PRIM2: variants seen among roughly 807,000 people sequenced by gnomAD.
The protein encoded by PRIM2 is DNA primase subunit 2.
A neutral mutation model predicts 67.3 loss-of-function variants in PRIM2; 39 were observed. The ratio of observed to expected loss-of-function variants is 0.58; its 90% CI spans 0.45 to 0.76. The LOEUF is 0.76. Ranked by LOEUF, PRIM2 falls within the 30% of genes least tolerant of loss-of-function variation. The pLI is 0.00. For synonymous variants in PRIM2, 143 were observed against 198.7 expected, an observed-to-expected ratio of 0.72 and a Z score of 2.36; for missense variants, 398 against 598.7, an observed-to-expected ratio of 0.66 and a Z score of 3.50.
upstream of PRIM2, among the ~76,000 whole-genome samples, chr6:57,315,236 A>C (rs984858286): frequency 2.0e-5 from 3 of 152,224 alleles, no homozygotes; most frequent in Non-Finnish European, 4.4e-5. Flanking sequence ...GGAATTCTTA[A>C]CTAGCCACAT....
intron 5 of PRIM2, among the ~76,000 whole-genome samples, chr6:57,364,596 T>A (rs1769294845): frequency 1.3e-5 from 2 of 152,074 alleles, no homozygotes; most frequent in Non-Finnish European, 2.9e-5. Context: ...AGGAGAGAGA[T>A]GGTGGGTCAA....
At chr6:57,222,573 C>T in the PRIM2 span, among the ~76,000 whole-genome samples, 2 of 152,222 alleles carry the variant, frequency 1.3e-5, no homozygotes, top group African/African-American at 4.8e-5. Flanking sequence ...CGGACACCTA[C>T]CTTATTTTCT....
At chr6:57,575,514 A>G (rs1308489230) in intron 10 of PRIM2, among the ~76,000 whole-genome samples, 6 of 152,196 alleles carry the variant, frequency 3.9e-5, no homozygotes, top group South Asian at 4.1e-4. Context: ...GGAGTTTTAG[A>G]TGTGCTATTG....
At chr6:57,357,461 A>G (rs1769066954) in intron 5 of PRIM2, among the ~76,000 whole-genome samples, 1 of 152,122 alleles carries the variant, frequency 6.6e-6, no homozygotes, top group Non-Finnish European at 1.5e-5. Flanking sequence ...TTGTGAAAAC[A>G]TGTTTTTTCC....
At chr6:57,438,313 G>A (rs1772082333) in intron 7 of PRIM2, among the ~76,000 whole-genome samples, 1 of 152,062 alleles carries the variant, frequency 6.6e-6, no homozygotes, top group South Asian at 2.1e-4. Flanking sequence ...AATTGTTACT[G>A]TTTGTGGCTG....
intron 7 of PRIM2, among the ~76,000 whole-genome samples, chr6:57,413,740 A>G (rs1771167802): frequency 6.6e-6 from 1 of 152,146 alleles, no homozygotes; most frequent in Non-Finnish European, 1.5e-5. Flanking sequence ...ATATGAATTA[A>G]CATTAAAAAA....
rs1178454796 is a variant in PRIM2, at chr6:57,355,824, G to A, written c.460-24077G>A. Among the ~76,000 whole-genome samples the A allele has an allele frequency of 2.0e-5, 3 of 151,604 alleles. 1 individual carries two copies. The highest frequency in any genetic ancestry group is 4.2e-4 in the South Asian group (2 of 4,808). On this transcript the variant is annotated intron_variant, in intron 5 of 13. Transcript: ENST00000615550. ...GCTAATTTTTGTACTTTTTTTTTCTGTAGAGATGGGTTTTGCCATGTTGCC... is the reference window on the plus strand; with the variant it reads ...GCTAATTTTTGTACTTTTTTTTTCTATAGAGATGGGTTTTGCCATGTTGCC...
chr6:57,228,474 C>A, the PRIM2 span, among the ~76,000 whole-genome samples: 3 of 152,200 alleles, frequency 2.0e-5, no homozygotes, highest in Non-Finnish European at 4.4e-5. Flanking sequence ...TCATGAACAC[C>A]TATTTTAAAC....
chr6:57,597,799 AAG>A (rs1213085724), intron 10 of PRIM2, among the ~76,000 whole-genome samples: 10 of 152,150 alleles, frequency 6.6e-5, no homozygotes, highest in Non-Finnish European at 1.2e-4. Context: ...GGTCACTTAA[AAG>A]AGGGGGGATT....
At chr6:57,557,234 T>C (rs1423728238) in intron 10 of PRIM2, among the ~76,000 whole-genome samples, 25,601 of 136,900 alleles carry the variant, frequency 0.19, 2,483 homozygotes, top group African/African-American at 0.28. Flanking sequence ...AAGAGCTAAA[T>C]ACAGAACTAC....
intron 10 of PRIM2, among the ~76,000 whole-genome samples, chr6:57,546,091 T>A (rs2127473391): frequency 6.6e-6 from 1 of 152,320 alleles, no homozygotes; most frequent in East Asian, 1.9e-4. Context: ...TTCACAACTT[T>A]GAATATTTAC....
In PRIM2 at chr6:57,335,417, A is replaced by G. The variant is rs538234270; in HGVS notation, c.459+9372A>G. The stretch of plus-strand genomic sequence containing the variant: ...CTCCACCTCTGGGGGCAGGGCACAG[A>G]CAAACAGAAAGACAGCAGTAACCTC... On this transcript the variant is annotated intron_variant, in intron 5 of 13. Coordinates refer to ENST00000615550, the MANE Select transcript of PRIM2 (RefSeq NM_000947.5). 2.6e-5 allele frequency among the ~76,000 whole-genome samples: 4 copies of G among 152,276 alleles called. No individual in the cohort carries two copies. The South Asian group carries it at 8.3e-4, about 32-fold the overall frequency.
chr6:57,241,585 C>A, the PRIM2 span, among the ~76,000 whole-genome samples: 1 of 150,118 alleles, frequency 6.7e-6, no homozygotes, highest in Non-Finnish European at 1.5e-5. Flanking sequence ...CAAAAGAAAC[C>A]GAAAAAAGTG....
chr6:57,578,489 C>T (rs1266841328), intron 10 of PRIM2, among the ~76,000 whole-genome samples: 1 of 152,000 alleles, frequency 6.6e-6, no homozygotes, highest in Non-Finnish European at 1.5e-5. Flanking sequence ...TCCTTTCTCC[C>T]CGTTTATTTA....
the PRIM2 span, among the ~76,000 whole-genome samples, chr6:57,292,627 T>C: frequency 1.3e-5 from 2 of 152,182 alleles, no homozygotes. Context: ...CAAAACAGCA[T>C]GGTACTGGTA....
At chr6:57,420,946 G>A (rs1353448698) in intron 7 of PRIM2, among the ~76,000 whole-genome samples, 5 of 152,172 alleles carry the variant, frequency 3.3e-5, no homozygotes, top group African/African-American at 7.2e-5. Flanking sequence ...GTTATTCAAG[G>A]TTGCATTGAA....
intron 12 of PRIM2, among the ~76,000 whole-genome samples, chr6:57,614,851 A>AATAT (rs1327651292): frequency 4.0e-5 from 6 of 150,956 alleles, no homozygotes; most frequent in Non-Finnish European, 1.5e-5. Flanking sequence ...CTCTGTCTCA[A>AATAT]ATATATATAT....
chr6:57,553,618 T>C (rs1352004434), intron 10 of PRIM2, among the ~76,000 whole-genome samples: 1 of 151,934 alleles, frequency 6.6e-6, no homozygotes, highest in East Asian at 1.9e-4. Context: ...GCACTTTCGT[T>C]GCCCTTCTTG....
chr6:57,329,066 T>A (rs1188217415), intron 5 of PRIM2, among the ~76,000 whole-genome samples: 2 of 152,168 alleles, frequency 1.3e-5, no homozygotes, highest in South Asian at 2.1e-4. Flanking sequence ...GATATATGAT[T>A]TACAAATATT....
Sources: allele counts gnomAD v4.1 joint callset (sites outside exome capture counted in the v4.1 genomes callset), GRCh38; gene constraint gnomAD v4.1.1; transcripts MANE v1.5; gene names NCBI Gene and HGNC (gene_info 2026-07-23, HGNC 2026-07-21).